COL7A1: variants seen among roughly 807,000 people sequenced by gnomAD.
COL7A1 encodes the protein collagen type VII alpha 1 chain, also known as collagen alpha-1(VII) chain.
COL7A1 carries 296 observed loss-of-function variants against 456.2 expected under a neutral mutation model. The ratio of observed to expected loss-of-function variants is 0.65; its 90% confidence interval spans 0.59 to 0.71. The LOEUF is 0.71. Among genes scored for constraint, COL7A1 ranks in the 30% least tolerant of loss-of-function variants. COL7A1 has a pLI of 0.00. For synonymous variants in COL7A1, 1,464 were observed against 1,525.9 expected, an observed-to-expected ratio of 0.96 and a Z score of 0.95; for missense variants, 3,441 against 4,017.2, an observed-to-expected ratio of 0.86 and a Z score of 3.88.
At position 48,583,116 on chromosome 3, in the gene COL7A1, G is replaced by A. The variant is rs755524336; in HGVS notation, c.4482+11C>T. On this transcript the variant is annotated intron_variant, in intron 43 of 118. Coordinates refer to ENST00000681320, the MANE Select transcript of COL7A1 (RefSeq NM_000094.4). This position sits in a 1 kb window ranked among gnomAD's most constrained non-coding sequence, Gnocchi z 5.1. Reference sequence around the variant, plus strand: ...CTCCAGGGCCCTTGGCACCCCCCAGGTTGCACTTACCTTCTCTCCAGCCTC... The same window carrying A: ...CTCCAGGGCCCTTGGCACCCCCCAGATTGCACTTACCTTCTCTCCAGCCTC... 10 of 1,613,946 alleles carry A rather than the reference G, an allele frequency of 6.2e-6. 1 individual carries two copies. In the East Asian group the frequency reaches 2.2e-4, roughly 36 times the overall value.
In COL7A1 at chr3:48,566,894, TG is replaced by T; in HGVS notation, c.8226+12del. The T allele has an allele frequency of 6.3e-7, 1 of 1,594,250 alleles. No homozygotes were observed. The highest frequency in any genetic ancestry group is 1.1e-5 in the South Asian group (1 of 89,624). ...AGGTTCAGGGATCAGGAGTCAGAGCTGGGGCCCCTTACCTTCTGGCCCTGAA... is the reference window on the plus strand; with the variant it reads ...AGGTTCAGGGATCAGGAGTCAGAGCTGGGCCCCTTACCTTCTGGCCCTGAA... On this transcript the variant is annotated intron_variant, in intron 111 of 118. Transcript: ENST00000681320. The surrounding 1 kb of genome is among the most constrained non-coding windows in gnomAD (Gnocchi z 5.9).
rs121912856 is a variant in COL7A1, at chr3:48,593,538, T to C, written c.425A>G (p.Lys142Arg). Residue 142 changes from lysine (K) to arginine (R), a missense_variant and splice_region_variant, in exon 4 of 119, where the codon AAG becomes AGG. By Grantham distance (26) the Lys-to-Arg change is conservative. Coordinates refer to ENST00000681320, the MANE Select transcript of COL7A1 (RefSeq NM_000094.4). This position sits in a 1 kb window ranked among gnomAD's most constrained non-coding sequence, Gnocchi z 4.4. ...LPQLARPGVP[K>R]VCILITDGKS... is the part of the protein sequence containing the mutation. ...AGGCATGGTAGGGGTAGGGATCACC[T>C]TGGGGACACCAGGTCGGGCCAGCTG... 74 of 1,614,022 alleles carry C rather than the reference T, an allele frequency of 4.6e-5. No individual in the cohort carries two copies. The highest frequency in any genetic ancestry group is 6.1e-5 in the Non-Finnish European group (72 of 1,180,028).
rs1161016236 is a variant in COL7A1, at chr3:48,583,872, C to T, written c.4278+28G>A. ...GAGAGACCCACACCCCTGAGCAGGG[C>T]CCCCAGCAGAGCCTCAAGGCCCCTC... On this transcript the variant is annotated intron_variant, in intron 39 of 118. Coordinates refer to ENST00000681320, the MANE Select transcript of COL7A1 (RefSeq NM_000094.4). This position sits in a 1 kb window ranked among gnomAD's most constrained non-coding sequence, Gnocchi z 5.1. 5.6e-6 allele frequency: 9 copies of T among 1,613,596 alleles called. No individual in the cohort carries two copies. The Admixed American group carries it at 6.7e-5, about 12-fold the overall frequency.
In COL7A1 at chr3:48,589,599, C is replaced by A. The variant is rs371102080; in HGVS notation, c.2170G>T (p.Gly724Cys). ...CCCCCTCCCAAACCCCAGTCCCCAC[C>A]GTGGGCTGAGTGCCAGGAAACCCTG... ...GYRVSWHSAH[G>C]PEKSQLVSGE... The change falls in exon 17 of 119, where the codon GGC becomes TGC. Residue 724 changes from glycine to cysteine, a missense_variant and splice_region_variant. Gly to Cys is a radical substitution (Grantham distance 159). Transcript: ENST00000681320. 6.2e-7 allele frequency: 1 copy of A among 1,613,562 alleles called. No individual in the cohort carries two copies. The highest frequency in any genetic ancestry group is 8.5e-7 in the Non-Finnish European group (1 of 1,179,982).
rs776105769 is a variant in COL7A1 at position 48,580,896 on chromosome 3, C to T, written c.4966G>A (p.Glu1656Lys). The T allele has an allele frequency of 5.0e-6, 8 of 1,613,980 alleles. No individual in the cohort carries two copies. The highest frequency in any genetic ancestry group is 4.5e-5 in the East Asian group (2 of 44,894). Reference sequence around the variant, plus strand: ...CCAAGACTCACCCGAAGGCCACGCTCGCCTGCTTTTCCAGGCAAACCCGGG... The same window carrying T: ...CCAAGACTCACCCGAAGGCCACGCTTGCCTGCTTTTCCAGGCAAACCCGGG... ...GDPGLPGKAG[E>K]RGLRGAPGVR... is the part of the protein sequence containing the mutation. Residue 1656 changes from glutamate (E) to lysine (K), a missense_variant, in exon 54 of 119, where the codon GAG becomes AAG. Around this residue, in one of 3 missense-constraint regions of COL7A1, gnomAD observed 2,084 missense variants for 2,501.3 expected, o/e 0.83. Coordinates refer to ENST00000681320, the MANE Select transcript of COL7A1 (RefSeq NM_000094.4). The surrounding 1 kb of genome is among the most constrained non-coding windows in gnomAD (Gnocchi z 4.5).
chr3:48,575,919 G>A lies in COL7A1; in HGVS notation c.5821-17C>T. ...ATCCACATTCTGGGGACAAAGTCTG[G>A]GTGAAGGGCTGCCCATGACAGAGAA... On this transcript the variant is annotated splice_polypyrimidine_tract_variant and intron_variant, in intron 71 of 118. Transcript: ENST00000681320. This position sits in a 1 kb window ranked among gnomAD's most constrained non-coding sequence, Gnocchi z 6.3. The A allele has an allele frequency of 8.7e-6, 14 of 1,614,150 alleles. No homozygotes were observed. Among genetic ancestry groups the A allele is most frequent in the Non-Finnish European group, 1.2e-5 (14 of 1,180,030 alleles).
At position 48,574,409 on chromosome 3, in the gene COL7A1, A is replaced by G. The variant is rs1260550741; in HGVS notation, c.6456+79T>C. 3.8e-5 allele frequency: 61 copies of G among 1,612,528 alleles called. No homozygotes were observed. On this transcript the variant is annotated intron_variant, in intron 79 of 118. Transcript: ENST00000681320. The surrounding 1 kb of genome is among the most constrained non-coding windows in gnomAD (Gnocchi z 5.0). ...GGACCCAGACAGTCCCAGGCAGTAC[A>G]GACCCCAGCCCTGCACACAGGACAA...
Position 48,564,310 on chromosome 3 carries a change from C to T in COL7A1, c.*96G>A. On this transcript the variant is annotated 3_prime_UTR_variant, in exon 119 of 119. Transcript: ENST00000681320. This position sits in a 1 kb window ranked among gnomAD's most constrained non-coding sequence, Gnocchi z 6.0. ...GGACGTGCACACGCACGCTCACGTG[C>T]ACACAAGCCTCTAGCACCAAGGGGA... is the stretch of plus-strand genomic sequence containing the variant. 3 of 1,456,056 alleles carry T rather than the reference C, an allele frequency of 2.1e-6. No homozygotes were observed. Among genetic ancestry groups the T allele is most frequent in the South Asian group, 2.3e-5 (2 of 87,326 alleles). The allele number at this position is 1,456,056 out of a possible 1,614,324, so 90.2% of individuals were successfully genotyped here. A position where few individuals can be genotyped will look rare whatever the true frequency, so the allele number is the denominator to read the frequency against.
In COL7A1 at chr3:48,579,733, G is replaced by T. The variant is rs2044595228; in HGVS notation, c.5154+52C>A. The T allele has an allele frequency of 1.2e-6, 2 of 1,613,914 alleles. No homozygotes were observed. The highest frequency in any genetic ancestry group is 8.5e-7 in the Non-Finnish European group (1 of 1,179,972). On this transcript the variant is annotated intron_variant, in intron 58 of 118. Coordinates refer to ENST00000681320, the MANE Select transcript of COL7A1 (RefSeq NM_000094.4). This position sits in a 1 kb window ranked among gnomAD's most constrained non-coding sequence, Gnocchi z 4.4. ...CCAAGCCATGCCCAAGGTAGAACCT[G>T]CTGGGAGGGGCACTGGGGTCTTTCT... is the stretch of plus-strand genomic sequence containing the variant.
Position 48,574,553 on chromosome 3 carries a change from G to T in COL7A1, c.6394-3C>A. On this transcript the variant is annotated splice_region_variant and splice_polypyrimidine_tract_variant and intron_variant, in intron 78 of 118. Transcript: ENST00000681320. This position sits in a 1 kb window ranked among gnomAD's most constrained non-coding sequence, Gnocchi z 5.0. ...TCTCCTTTGATGCCTGGCACACCCT[G>T]AAGGCAGAGTGTCGTGCCCTGAGCC... is the stretch of plus-strand genomic sequence containing the variant. 2 of 1,613,926 alleles carry T rather than the reference G, an allele frequency of 1.2e-6. No homozygotes were observed. The highest frequency in any genetic ancestry group is 1.7e-6 in the Non-Finnish European group (2 of 1,180,026).
At position 48,573,155 on chromosome 3, in the gene COL7A1, G is replaced by C. The variant is rs748715122; in HGVS notation, c.6714+19C>G. 2 of 1,613,880 alleles carry C rather than the reference G, an allele frequency of 1.2e-6. No homozygotes were observed. The highest frequency in any genetic ancestry group is 2.7e-5 in the African/African-American group (2 of 74,914). On this transcript the variant is annotated intron_variant, in intron 85 of 118. Coordinates refer to ENST00000681320, the MANE Select transcript of COL7A1 (RefSeq NM_000094.4). The surrounding 1 kb of genome is among the most constrained non-coding windows in gnomAD (Gnocchi z 5.5). ...GTGAAAACACGGTGTCCCTACAGGG[G>C]CCACAGGGACTCACTCACCACAAGG...
Position 48,584,735 on chromosome 3 carries a change from G to T in COL7A1, c.4046C>A (p.Pro1349Gln). 1.2e-6 allele frequency: 2 copies of T among 1,613,918 alleles called. No individual in the cohort carries two copies. The highest frequency in any genetic ancestry group is 2.7e-5 in the African/African-American group (2 of 75,006). Residue 1349 changes from proline (P) to glutamine (Q), a missense_variant and splice_region_variant, in exon 35 of 119, where the codon CCG becomes CAG. Pro to Gln is a moderately conservative substitution (Grantham distance 76, BLOSUM62 -1). This residue lies in a region of COL7A1 where 2,084 missense variants were observed against 2,501.3 expected (regional missense o/e 0.83). Coordinates refer to ENST00000681320, the MANE Select transcript of COL7A1 (RefSeq NM_000094.4). Reference sequence around the variant, plus strand: ...CGCCTCCCTTCCCCCTTCACCTACCGGCTCCCCCTTTGGGCCTCGAGGTCC... The same window carrying T: ...CGCCTCCCTTCCCCCTTCACCTACCTGCTCCCCCTTTGGGCCTCGAGGTCC... ...ERGPRGPKGE[P>Q]GAPGQVIGGE...
Position 48,573,676 on chromosome 3 carries a change from C to T in COL7A1, c.6573+14G>A. ...TTCCAGACCCTCACCAGGCAGTGTT[C>T]CCTGGTCACTCACCGGGGCACCAGG... On this transcript the variant is annotated intron_variant, in intron 82 of 118. Transcript: ENST00000681320. This position sits in a 1 kb window ranked among gnomAD's most constrained non-coding sequence, Gnocchi z 5.5. 9.9e-6 allele frequency: 16 copies of T among 1,612,680 alleles called. No homozygotes were observed. Among genetic ancestry groups the T allele is most frequent in the Non-Finnish European group, 1.4e-5 (16 of 1,179,322 alleles).
In COL7A1 at chr3:48,567,550, G is replaced by A. The variant is rs756069201; in HGVS notation, c.8046+24C>T. ...CTGCCCCATCCTGACTCCCTGTCAT[G>A]TCCACTGTCCACAGACCCTGTACCT... is the stretch of plus-strand genomic sequence containing the variant. On this transcript the variant is annotated intron_variant, in intron 109 of 118. Transcript: ENST00000681320. The surrounding 1 kb of genome is among the most constrained non-coding windows in gnomAD (Gnocchi z 4.3). 2 of 1,613,994 alleles carry A rather than the reference G, an allele frequency of 1.2e-6. No individual in the cohort carries two copies. Among genetic ancestry groups the A allele is most frequent in the Non-Finnish European group, 8.5e-7 (1 of 1,179,968 alleles).
Position 48,567,854 on chromosome 3 carries a change from C to G in COL7A1, c.7913G>C (p.Gly2638Ala). 1 of 1,614,134 alleles carries G rather than the reference C, an allele frequency of 6.2e-7. No individual in the cohort carries two copies. Among genetic ancestry groups the G allele is most frequent in the Non-Finnish European group, 8.5e-7 (1 of 1,180,018 alleles). ...RGVKGACGLD[G>A]EKGDKGEAGP... ...CCTCTGTACCTTGTCTCCCTTCTCT[C>G]CATCAAGGCCACAGGCTCCCTTCAC... is the stretch of plus-strand genomic sequence containing the variant. Residue 2638 changes from glycine (G) to alanine (A), a missense_variant, in exon 107 of 119, where the codon GGA becomes GCA. This residue lies in a region of COL7A1 where 2,084 missense variants were observed against 2,501.3 expected (regional missense o/e 0.83). Transcript: ENST00000681320. The surrounding 1 kb of genome is among the most constrained non-coding windows in gnomAD (Gnocchi z 4.3).
chr3:48,585,064 GGA>G lies in COL7A1; in HGVS notation c.3945_3946del (p.Pro1316TrpfsTer43). ...TAGGCCAGGGGCTCCAGGGGTCCCAGGATTCCCGGCGCGGCCAGGGCTGCCTG... is the reference window on the plus strand; with the variant it reads ...TAGGCCAGGGGCTCCAGGGGTCCCAGTTCCCGGCGCGGCCAGGGCTGCCTG... On this transcript the variant is annotated frameshift_variant, in exon 33 of 119. Coordinates refer to ENST00000681320, the MANE Select transcript of COL7A1 (RefSeq NM_000094.4). LOFTEE classifies it high-confidence loss of function. This position sits in a 1 kb window ranked among gnomAD's most constrained non-coding sequence, Gnocchi z 4.5. 6.2e-7 allele frequency: 1 copy of G among 1,612,726 alleles called. No homozygotes were observed. The highest frequency in any genetic ancestry group is 8.5e-7 in the Non-Finnish European group (1 of 1,179,880).
At position 48,594,562 on chromosome 3, in the gene COL7A1, G is replaced by T; in HGVS notation, c.86-14C>A. On this transcript the variant is annotated splice_polypyrimidine_tract_variant and intron_variant, in intron 2 of 118. Transcript: ENST00000681320. The surrounding 1 kb of genome is among the most constrained non-coding windows in gnomAD (Gnocchi z 5.5). ...GCGTGCAGGTCACTGGGGCGGGCAG[G>T]AGAGATCAGGGCCTCTTCTGGGAGG... 6.4e-7 allele frequency: 1 copy of T among 1,568,120 alleles called. No individual in the cohort carries two copies. The highest frequency in any genetic ancestry group is 8.6e-7 in the Non-Finnish European group (1 of 1,160,194).
At chr3:48,576,832 C>T in intron 67 of COL7A1, 52 bp downstream of exon 67, 1 of 1,613,704 alleles carries the variant, frequency 6.2e-7, no homozygotes, top group Non-Finnish European at 8.5e-7. Context: ...GAGTCATATT[C>T]CCCCAGGGTC....
chr3:48,572,572 C>T lies in COL7A1; in HGVS notation c.6901-34G>A, dbSNP rs370681207. 2 of 1,612,386 alleles carry T rather than the reference C, an allele frequency of 1.2e-6. No individual in the cohort carries two copies. The highest frequency in any genetic ancestry group is 2.7e-5 in the African/African-American group (2 of 74,810). ...AATGCTAGTGAGTTTCCTCCTCCTC[C>T]CCCGCCCCCACCCTGCCACCCCCAT... is the stretch of plus-strand genomic sequence containing the variant. On this transcript the variant is annotated intron_variant, in intron 88 of 118. Coordinates refer to ENST00000681320, the MANE Select transcript of COL7A1 (RefSeq NM_000094.4). This position sits in a 1 kb window ranked among gnomAD's most constrained non-coding sequence, Gnocchi z 4.6.
Sources: gnomAD v4.1 joint callset for allele counts on GRCh38, gnomAD v4.1.1 for gene constraint, gnomAD v4.1.1 regional missense constraint, Gnocchi (gnomAD v3.1) non-coding constraint, MANE v1.5 for transcripts, NCBI Gene and HGNC (gene_info 2026-07-23, HGNC 2026-07-21) for gene names.